Variants in DNAJC1 observed in about 807,000 individuals in gnomAD.
DNAJC1 encodes dnaJ homolog subfamily C member 1.
DNAJC1 carries 58 observed loss-of-function variants against 76.6 expected under a neutral mutation model. That is an observed-to-expected ratio of 0.76 (90% CI 0.61 to 0.94). DNAJC1 has a LOEUF of 0.94. DNAJC1 is among the 40% of genes least tolerant of loss of function. DNAJC1 has a pLI of 0.00. For missense variants in DNAJC1, 689 were observed against 677.3 expected (o/e 1.02, Z -0.19); for synonymous variants, 258 against 267.9 (o/e 0.96, Z 0.36).
intron 6 of DNAJC1, among the ~76,000 whole-genome samples, chr10:21,916,363 C>T (rs536143719): frequency 1.3e-5 from 2 of 152,132 alleles, no homozygotes; most frequent in Non-Finnish European, 2.9e-5. Context: ...GTAGCGGGCG[C>T]CTGTAGTCCC....
intron 1 of DNAJC1, among the ~76,000 whole-genome samples, chr10:21,977,497 A>C (rs1410983666): frequency 6.6e-6 from 1 of 152,176 alleles, no homozygotes; most frequent in Non-Finnish European, 1.5e-5. Context: ...AACTAAACCC[A>C]AGAAAAGACT....
chr10:21,940,601 T>C (rs370347978), intron 1 of DNAJC1, among the ~76,000 whole-genome samples: 15 of 152,330 alleles, frequency 9.8e-5, no homozygotes, highest in African/African-American at 3.4e-4. Flanking sequence ...TTATGTCCCC[T>C]ATTTTAAACT....
chr10:21,931,395 A>C (rs1041511971), intron 1 of DNAJC1, among the ~76,000 whole-genome samples: 7 of 152,252 alleles, frequency 4.6e-5, no homozygotes, highest in African/African-American at 1.7e-4. Context: ...TTCTACCTCA[A>C]GTAGATACGG....
At chr10:21,981,184 AT>A (rs1236547146) in intron 1 of DNAJC1, among the ~76,000 whole-genome samples, 1 of 152,150 alleles carries the variant, frequency 6.6e-6, no homozygotes, top group Non-Finnish European at 1.5e-5. Flanking sequence ...CCCGTTTTAT[AT>A]TTGTGCAAAT....
intron 1 of DNAJC1, among the ~76,000 whole-genome samples, chr10:21,930,240 T>C (rs971133829): frequency 6.6e-6 from 1 of 152,236 alleles, no homozygotes; most frequent in Non-Finnish European, 1.5e-5. Flanking sequence ...CCTCCCAAAG[T>C]GTAGGATTAC....
Position 21,954,296 on chromosome 10 carries a change from T to C in DNAJC1, c.223-25155A>G, listed in dbSNP as rs572499860. Among the ~76,000 whole-genome samples the C allele has an allele frequency of 3.3e-5, 5 of 152,288 alleles. No individual in the cohort carries two copies. The South Asian group carries it at 6.2e-4, about 19-fold the overall frequency. ...AGATTTCATAAATCAGACACTCTCA[T>C]TGTACTCTCAGGATGTAGTCATAAT... On this transcript the variant is annotated intron_variant, in intron 1 of 11. Coordinates refer to ENST00000376980, the MANE Select transcript of DNAJC1 (RefSeq NM_022365.4).
At chr10:21,810,094 T>C (rs565500070) in intron 8 of DNAJC1, among the ~76,000 whole-genome samples, 39 of 152,212 alleles carry the variant, frequency 2.6e-4, no homozygotes, top group Admixed American at 7.9e-4. Flanking sequence ...TAGCTTTAAA[T>C]ACAGTCACAT....
intron 7 of DNAJC1, among the ~76,000 whole-genome samples, chr10:21,892,722 C>A (rs1004619906): frequency 1.3e-5 from 2 of 151,626 alleles, no homozygotes; most frequent in African/African-American, 4.8e-5. Flanking sequence ...CAAAAGAAAG[C>A]AGCAGTAGTT....
At chr10:21,836,895 C>CT (rs1314822085) in intron 8 of DNAJC1, among the ~76,000 whole-genome samples, 2 of 152,178 alleles carry the variant, frequency 1.3e-5, no homozygotes, top group East Asian at 3.9e-4. Flanking sequence ...CTCCCTCTCC[C>CT]TCTCCCTCTC....
At chr10:21,779,054 G>A (rs1407153129) in intron 9 of DNAJC1, among the ~76,000 whole-genome samples, 7 of 152,198 alleles carry the variant, frequency 4.6e-5, no homozygotes, top group African/African-American at 1.2e-4. Flanking sequence ...GGGGAGGGGC[G>A]CCTGCCATTG....
intron 6 of DNAJC1, among the ~76,000 whole-genome samples, chr10:21,911,825 G>A (rs1836868932): frequency 6.6e-6 from 1 of 151,988 alleles, no homozygotes; most frequent in Non-Finnish European, 1.5e-5. Flanking sequence ...TTTTCTTTCA[G>A]TACAGTATTC....
intron 9 of DNAJC1, among the ~76,000 whole-genome samples, chr10:21,776,919 T>C (rs924315707): frequency 3.3e-5 from 5 of 152,204 alleles, no homozygotes; most frequent in Non-Finnish European, 7.4e-5. Context: ...CACCATATTA[T>C]TCTCTTTTTA....
chr10:21,921,067 A>G, intron 3 of DNAJC1, 104 bp from the exon 4 acceptor site: 1 of 999,802 alleles, frequency 1.0e-6, no homozygotes, highest in Middle Eastern at 2.4e-4. Flanking sequence ...AAATTATCCA[A>G]AATAGATAAT....
intron 8 of DNAJC1, among the ~76,000 whole-genome samples, chr10:21,816,537 C>T (rs1004146742): frequency 1.1e-4 from 16 of 148,004 alleles, no homozygotes; most frequent in African/African-American, 3.8e-4. Flanking sequence ...GAGACACTGT[C>T]TCTCTCTCTT....
intron 9 of DNAJC1, among the ~76,000 whole-genome samples, chr10:21,772,094 G>C (rs958440214): frequency 1.3e-5 from 2 of 152,026 alleles, no homozygotes; most frequent in African/African-American, 4.8e-5. Context: ...ACCATGCCCA[G>C]CTTCATGGTG....
At chr10:21,916,575 T>C (rs1449928399) in intron 6 of DNAJC1, among the ~76,000 whole-genome samples, 1 of 152,208 alleles carries the variant, frequency 6.6e-6, no homozygotes, top group Non-Finnish European at 1.5e-5. Flanking sequence ...TTTAAGGTTG[T>C]ACCTATCATT....
Position 21,837,470 on chromosome 10 carries a change from G to A in DNAJC1, c.979-31371C>T, listed in dbSNP as rs559006950. On this transcript the variant is annotated intron_variant, in intron 8 of 11. Coordinates refer to ENST00000376980, the MANE Select transcript of DNAJC1 (RefSeq NM_022365.4). ...CCATCCCGTCTAGGAAGTGAGGAGC[G>A]TCTCTGCCCGGCCGCCCATCGTCTG... is the stretch of plus-strand genomic sequence containing the variant. Among the ~76,000 whole-genome samples the A allele has an allele frequency of 7.5e-4, 113 of 150,548 alleles. 1 individual carries two copies. The highest frequency in any genetic ancestry group is 2.6e-3 in the Admixed American group (39 of 15,154).
At chr10:21,921,721 C>G (rs559767366) in intron 3 of DNAJC1, among the ~76,000 whole-genome samples, 1 of 152,084 alleles carries the variant, frequency 6.6e-6, no homozygotes, top group African/African-American at 2.4e-5. Context: ...CTTTAAAAAG[C>G]TGATGCATTT....
intron 1 of DNAJC1, among the ~76,000 whole-genome samples, chr10:21,962,295 TGTATA>T (rs1318402146): frequency 2.6e-5 from 4 of 152,022 alleles, no homozygotes; most frequent in African/African-American, 9.7e-5. Context: ...TGTGAATTAA[TGTATA>T]GTAATTTATT....
Sources: gnomAD v4.1 joint callset for allele counts (sites outside exome capture counted in the v4.1 genomes callset) on GRCh38, gnomAD v4.1.1 for gene constraint, MANE v1.5 for transcripts, NCBI Gene and HGNC (gene_info 2026-07-23, HGNC 2026-07-21) for gene names.